The following OR2L13 variants were observed in gnomAD, a reference collection of about 807,000 sequenced individuals.
The protein encoded by OR2L13 is olfactory receptor 2L13.
In OR2L13, 14 loss-of-function variants were observed where a neutral mutation model predicts 15.3. The ratio of observed to expected loss-of-function variants is 0.91; its 90% CI spans 0.60 to 1.43. The LOEUF is 1.43. Among genes scored for constraint, OR2L13 ranks in the 40% most tolerant of loss-of-function variants. OR2L13 has a pLI of 0.00. For missense variants in OR2L13, 367 were observed against 387.9 expected, an observed-to-expected ratio of 0.95 and a Z score of 0.45; for synonymous variants, 152 against 142.9, an observed-to-expected ratio of 1.06 and a Z score of -0.45.
chr1:248,054,618 GAACAATGGTTT>G, the OR2L13 span, among the ~76,000 whole-genome samples: 33 of 151,982 alleles, frequency 2.2e-4, no homozygotes, highest in Non-Finnish European at 2.5e-4. Context: ...TGATTTCCTT[GAACAATGGTTT>G]GTAGTTCTCT....
At chr1:248,025,876 A>C in the OR2L13 span, among the ~76,000 whole-genome samples, 1 of 150,672 alleles carries the variant, frequency 6.6e-6, no homozygotes, top group East Asian at 2.0e-4. Flanking sequence ...GCATATTCTT[A>C]CTCATAGGTG....
upstream of OR2L13, among the ~76,000 whole-genome samples, chr1:248,096,145 G>A (rs190311798): frequency 3.1e-3 from 476 of 151,996 alleles, 1 homozygote; most frequent in Non-Finnish European, 5.7e-3. Context: ...TTGGGAGGCC[G>A]AGGTGGGCAG....
chr1:248,042,960 C>A, the OR2L13 span, among the ~76,000 whole-genome samples: 1 of 152,094 alleles, frequency 6.6e-6, no homozygotes, highest in Non-Finnish European at 1.5e-5. Context: ...AAAGGCTTGC[C>A]AAATCACCAA....
the OR2L13 span, among the ~76,000 whole-genome samples, chr1:247,961,983 C>G: frequency 0.028 from 4,243 of 152,276 alleles, 86 homozygotes; most frequent in Middle Eastern, 0.054. Context: ...CCAATTTGGT[C>G]AGGGAGAACC....
chr1:248,063,742 C>T, the OR2L13 span, among the ~76,000 whole-genome samples: 1 of 152,152 alleles, frequency 6.6e-6, no homozygotes, highest in African/African-American at 2.4e-5. Flanking sequence ...CAGCCACACC[C>T]AAGCCACTCC....
At chr1:247,959,147 A>G in the OR2L13 span, among the ~76,000 whole-genome samples, 2 of 152,070 alleles carry the variant, frequency 1.3e-5, no homozygotes, top group Non-Finnish European at 2.9e-5. Flanking sequence ...GGTGGTGACA[A>G]AATCTCTCAG....
chr1:248,022,761 GT>G, the OR2L13 span: 1 of 1,613,804 alleles, frequency 6.2e-7, no homozygotes, highest in Admixed American at 1.7e-5. Context: ...AGAGGACAAG[GT>G]TCTGGCTGTT....
chr1:247,940,296 A>G, the OR2L13 span, among the ~76,000 whole-genome samples: 10 of 152,188 alleles, frequency 6.6e-5, no homozygotes, highest in Admixed American at 1.3e-4. Flanking sequence ...AATTTATCCT[A>G]AAAGTTATTG....
the OR2L13 span, among the ~76,000 whole-genome samples, chr1:247,943,174 A>C: frequency 2.0e-5 from 3 of 152,248 alleles, no homozygotes; most frequent in African/African-American, 7.2e-5. Context: ...GGGCATAGAA[A>C]TATTTGTTTG....
At chr1:248,051,140 T>C in the OR2L13 span, 1 of 152,134 alleles carries the variant, frequency 6.6e-6, no homozygotes, top group Non-Finnish European at 1.5e-5. Context: ...TAACACTTTG[T>C]TTTTGTTAAA....
At chr1:248,068,611 G>A in the OR2L13 span, among the ~76,000 whole-genome samples, 3 of 152,160 alleles carry the variant, frequency 2.0e-5, no homozygotes, top group South Asian at 2.1e-4. Flanking sequence ...CACCAGCAAC[G>A]GAACAAAGCT....
chr1:248,099,975 A>G (rs761809237), exon 3 of OR2L13: 1 of 1,613,964 alleles, frequency 6.2e-7, no homozygotes, highest in South Asian at 1.1e-5. Context: ...TGGTTTTTGT[A>G]AGTACAAGCC....
chr1:248,042,258 A>T, the OR2L13 span: 1 of 151,520 alleles, frequency 6.6e-6, no homozygotes, highest in Non-Finnish European at 1.5e-5. Context: ...CACAAGAACA[A>T]AAAACCAAAC....
chr1:248,003,032 G>C, the OR2L13 span: 17 of 703,258 alleles, frequency 2.4e-5, no homozygotes, highest in Non-Finnish European at 3.8e-5. Context: ...TTCAGAACTT[G>C]TTATTGGTCT....
the OR2L13 span, chr1:247,965,349 C>T: frequency 2.3e-5 from 37 of 1,586,232 alleles, no homozygotes; most frequent in African/African-American, 5.4e-5. Flanking sequence ...TTTCAGATGT[C>T]ATCTCCTTTG....
the OR2L13 span, among the ~76,000 whole-genome samples, chr1:248,086,593 A>G: frequency 0.69 from 105,036 of 151,836 alleles, 41,456 homozygotes; most frequent in South Asian, 0.9. Context: ...ATCATTTTTG[A>G]ATAAAGGATT....
At chr1:247,955,847 T>C in the OR2L13 span, among the ~76,000 whole-genome samples, 1 of 152,112 alleles carries the variant, frequency 6.6e-6, no homozygotes, top group African/African-American at 2.4e-5. Flanking sequence ...TTATTAGCCC[T>C]TTTTCAGATG....
At chr1:247,939,817 T>G in the OR2L13 span, among the ~76,000 whole-genome samples, 1 of 152,144 alleles carries the variant, frequency 6.6e-6, no homozygotes, top group African/African-American at 2.4e-5. Context: ...AAATGTATTG[T>G]TCCTCTTGTG....
the OR2L13 span, chr1:248,040,675 A>T: frequency 2.6e-5 from 4 of 152,222 alleles, no homozygotes; most frequent in Non-Finnish European, 5.9e-5. Flanking sequence ...TATATAAGAC[A>T]TATAAGATAC....
Sources: allele counts gnomAD v4.1 joint callset (sites outside exome capture counted in the v4.1 genomes callset), GRCh38; gene constraint gnomAD v4.1.1; transcripts MANE v1.5; gene names NCBI Gene and HGNC (gene_info 2026-07-23, HGNC 2026-07-21).